The following SLC25A21 variants were observed in gnomAD, a reference collection of about 807,000 sequenced individuals.
SLC25A21 encodes the protein mitochondrial 2-oxodicarboxylate carrier.
A neutral mutation model predicts 43.8 loss-of-function variants in SLC25A21; 47 were observed. The ratio of observed to expected loss-of-function variants is 1.07; its 90% CI spans 0.85 to 1.37. The LOEUF (loss-of-function observed/expected upper bound fraction) is 1.37, where lower values mean the gene tolerates loss of function less well. Among genes scored for constraint, SLC25A21 ranks in the 40% most tolerant of loss-of-function variants. The pLI is 0.00. For missense variants in SLC25A21, 352 were observed against 350.2 expected, an observed-to-expected ratio of 1.00 and a Z score of -0.04; for synonymous variants, 131 against 121.3, an observed-to-expected ratio of 1.08 and a Z score of -0.52.
At chr14:36,952,920 G>A (rs1269513707) in intron 1 of SLC25A21, among the ~76,000 whole-genome samples, 1 of 152,148 alleles carries the variant, frequency 6.6e-6, no homozygotes, top group African/African-American at 2.4e-5. Flanking sequence ...TATTTACAGA[G>A]CATTTAGATC....
chr14:36,910,868 T>G (rs1268907615), intron 1 of SLC25A21, among the ~76,000 whole-genome samples: 1 of 152,198 alleles, frequency 6.6e-6, no homozygotes, highest in African/African-American at 2.4e-5. Flanking sequence ...ATCAAAGATG[T>G]TTTTAGTTGT....
At chr14:36,980,320 A>G (rs944296620) in intron 1 of SLC25A21, among the ~76,000 whole-genome samples, 3 of 152,172 alleles carry the variant, frequency 2.0e-5, no homozygotes, top group Admixed American at 6.5e-5. Flanking sequence ...AAGTTATCCC[A>G]GATAATATCC....
At chr14:36,918,246 C>T (rs977055192) in intron 1 of SLC25A21, among the ~76,000 whole-genome samples, 1 of 152,156 alleles carries the variant, frequency 6.6e-6, no homozygotes, top group Non-Finnish European at 1.5e-5. Flanking sequence ...GGTAGACATA[C>T]TTTGAGTTCC....
At chr14:36,803,942 A>G (rs1432880164) in intron 3 of SLC25A21, among the ~76,000 whole-genome samples, 1 of 152,204 alleles carries the variant, frequency 6.6e-6, no homozygotes, top group Admixed American at 6.6e-5. Context: ...TTAACCTCAC[A>G]CTGTGTCTGG....
At position 37,056,209 on chromosome 14, in the gene SLC25A21, G is replaced by A. The variant is rs1044436360; in HGVS notation, c.70+116072C>T. On this transcript the variant is annotated intron_variant, in intron 1 of 9. Transcript: ENST00000331299. ...TTTTCTTTATAAATTACCTAGTCTC[G>A]GCCGGGCGCTGTGGCTCACGCCTGT... Among the ~76,000 whole-genome samples the A allele has an allele frequency of 5.9e-5, 9 of 152,132 alleles. No individual in the cohort carries two copies. In the Middle Eastern group the frequency reaches 0.01, roughly 174 times the overall value.
intron 7 of SLC25A21, among the ~76,000 whole-genome samples, chr14:36,698,646 C>T (rs1289464383): frequency 6.6e-6 from 1 of 152,106 alleles, no homozygotes; most frequent in African/African-American, 2.4e-5. Flanking sequence ...CTGGTCTTCT[C>T]ACTTAATTTC....
chr14:37,084,375 G>A (rs79358556), intron 1 of SLC25A21, among the ~76,000 whole-genome samples: 8,243 of 152,178 alleles, frequency 0.054, 753 homozygotes, highest in African/African-American at 0.19. Flanking sequence ...AGGGGCAGTC[G>A]GCCCTGCTTA....
rs112116046 is a variant in SLC25A21 at position 36,840,209 on chromosome 14, GT to G, written c.120-26209del. Among the ~76,000 whole-genome samples, 1,388 of 147,462 alleles carry G rather than the reference GT, an allele frequency of 9.4e-3. 25 individuals are homozygous for G. The highest frequency in any genetic ancestry group is 0.031 in the African/African-American group (1,247 of 40,612). On this transcript the variant is annotated intron_variant, in intron 2 of 9. Coordinates refer to ENST00000331299, the MANE Select transcript of SLC25A21 (RefSeq NM_030631.4). ...AACTATGGTTAAGAATAAAAGCGAGGTTTTTTTTTTTAAACAGTATTATTTT... is the reference window on the plus strand; with the variant it reads ...AACTATGGTTAAGAATAAAAGCGAGGTTTTTTTTTTAAACAGTATTATTTT...
chr14:37,105,742 A>G (rs556176219), intron 1 of SLC25A21, among the ~76,000 whole-genome samples: 41 of 152,302 alleles, frequency 2.7e-4, no homozygotes, highest in African/African-American at 9.4e-4. Context: ...TTAGCAGAAT[A>G]GAATAGAATT....
chr14:36,913,565 C>T (rs1160915484), intron 1 of SLC25A21, among the ~76,000 whole-genome samples: 1 of 152,296 alleles, frequency 6.6e-6, no homozygotes, highest in African/African-American at 2.4e-5. Flanking sequence ...TGTGAGCCAC[C>T]ACACCAGGCA....
intron 4 of SLC25A21, among the ~76,000 whole-genome samples, chr14:36,733,657 T>C (rs1884919512): frequency 6.6e-6 from 1 of 152,168 alleles, no homozygotes; most frequent in Non-Finnish European, 1.5e-5. Context: ...CACACATGAG[T>C]AATGTATGTG....
rs116179495 is a variant in SLC25A21 at position 37,155,193 on chromosome 14, C to T, written c.70+17088G>A. Among the ~76,000 whole-genome samples, 370 of 152,180 alleles carry T rather than the reference C, an allele frequency of 2.4e-3. 1 individual carries two copies. Among genetic ancestry groups the T allele is most frequent in the African/African-American group, 8.7e-3 (363 of 41,530 alleles). ...TCCAGCAATCCTCCTACCTCAGCCT[C>T]CCAAGTAGCTGGACTACAGGTGTTT... On this transcript the variant is annotated intron_variant, in intron 1 of 9. Coordinates refer to ENST00000331299, the MANE Select transcript of SLC25A21 (RefSeq NM_030631.4).
At chr14:37,132,035 C>T (rs1157635587) in intron 1 of SLC25A21, among the ~76,000 whole-genome samples, 1 of 152,072 alleles carries the variant, frequency 6.6e-6, no homozygotes, top group Non-Finnish European at 1.5e-5. Flanking sequence ...CTGGTAAGTC[C>T]AATACCAAGA....
intron 1 of SLC25A21, among the ~76,000 whole-genome samples, chr14:37,130,220 G>C (rs1375430286): frequency 6.6e-6 from 1 of 151,928 alleles, no homozygotes; most frequent in Non-Finnish European, 1.5e-5. Context: ...GCTATGATTG[G>C]GCCTCTGTAC....
intron 1 of SLC25A21, among the ~76,000 whole-genome samples, chr14:36,907,991 G>C (rs770074626): frequency 6.6e-6 from 1 of 152,172 alleles, no homozygotes; most frequent in Non-Finnish European, 1.5e-5. Flanking sequence ...AAGCTTTACA[G>C]TTTAATTCGG....
At chr14:36,740,376 C>A (rs2139238913) in intron 3 of SLC25A21, among the ~76,000 whole-genome samples, 2 of 152,178 alleles carry the variant, frequency 1.3e-5, no homozygotes, top group East Asian at 3.9e-4. Context: ...GAGGGGGTAC[C>A]AGGACTCCAA....
intron 6 of SLC25A21, among the ~76,000 whole-genome samples, chr14:36,724,000 C>A (rs1389244772): frequency 1.3e-5 from 2 of 152,168 alleles, no homozygotes; most frequent in East Asian, 3.9e-4. Flanking sequence ...TCCTACAAAC[C>A]AAGTTTTCCT....
intron 1 of SLC25A21, among the ~76,000 whole-genome samples, chr14:37,051,237 C>A (rs140911445): frequency 2.0e-5 from 3 of 152,286 alleles, no homozygotes; most frequent in African/African-American, 7.2e-5. Context: ...AATTCTAAAT[C>A]TCAAAATATC....
chr14:36,750,741 C>T (rs1247651074), intron 3 of SLC25A21, among the ~76,000 whole-genome samples: 1 of 152,162 alleles, frequency 6.6e-6, no homozygotes, highest in Non-Finnish European at 1.5e-5. Flanking sequence ...CTCTATCACG[C>T]TAATGAAGTA....
Sources: allele counts gnomAD v4.1 joint callset (sites outside exome capture counted in the v4.1 genomes callset), GRCh38; gene constraint gnomAD v4.1.1; transcripts MANE v1.5; gene names NCBI Gene and HGNC (gene_info 2026-07-23, HGNC 2026-07-21).